RFX3: variants seen among roughly 807,000 people sequenced by gnomAD.
RFX3 encodes the protein transcription factor RFX3.
Under a neutral mutation model 98.6 loss-of-function variants are expected in RFX3, and 14 were observed. The ratio of observed to expected loss-of-function variants is 0.14; its 90% CI spans 0.09 to 0.22. The LOEUF is 0.22. Ranked by LOEUF, RFX3 falls within the 10% of genes least tolerant of loss-of-function variation. The pLI is 1.00. For synonymous variants in RFX3, 383 were observed against 328.4 expected, an observed-to-expected ratio of 1.17 and a Z score of -1.80; for missense variants, 639 against 926.9, an observed-to-expected ratio of 0.69 and a Z score of 4.03.
intron 4 of RFX3, among the ~76,000 whole-genome samples, chr9:3,316,155 T>C (rs2920364): frequency 0.18 from 27,382 of 152,024 alleles, 2,882 homozygotes; most frequent in African/African-American, 0.3. Flanking sequence ...AATCCAGCAG[T>C]ACATCTAAAA....
At chr9:3,268,278 T>C (rs1403683899) in intron 11 of RFX3, among the ~76,000 whole-genome samples, 1 of 151,828 alleles carries the variant, frequency 6.6e-6, no homozygotes, top group Admixed American at 6.6e-5. Flanking sequence ...TAGAGTGAAG[T>C]GCTAGTAGCC....
intron 13 of RFX3, among the ~76,000 whole-genome samples, chr9:3,262,390 T>A (rs908716728): frequency 6.6e-6 from 1 of 152,248 alleles, no homozygotes; most frequent in Non-Finnish European, 1.5e-5. Context: ...TAGTTGAACT[T>A]ATTGCATATA....
At chr9:3,449,828 A>G (rs906903724) in intron 1 of RFX3, among the ~76,000 whole-genome samples, 2 of 151,434 alleles carry the variant, frequency 1.3e-5, no homozygotes, top group South Asian at 4.2e-4. Flanking sequence ...TTATCACACC[A>G]CTGCACTCCA....
At chr9:3,345,231 A>C (rs1010896448) in intron 3 of RFX3, among the ~76,000 whole-genome samples, 1 of 152,090 alleles carries the variant, frequency 6.6e-6, no homozygotes, top group African/African-American at 2.4e-5. Flanking sequence ...GTTTAGGGAG[A>C]CTGGGAGGAA....
chr9:3,331,326 T>C (rs1410607760), intron 3 of RFX3, among the ~76,000 whole-genome samples: 2 of 152,230 alleles, frequency 1.3e-5, no homozygotes, highest in Non-Finnish European at 1.5e-5. Flanking sequence ...TTTTCTGTTC[T>C]GATTAAGCTT....
chr9:3,468,517 C>T (rs547511155), intron 1 of RFX3, among the ~76,000 whole-genome samples: 1 of 152,270 alleles, frequency 6.6e-6, no homozygotes, highest in East Asian at 1.9e-4. Context: ...TCAATCACTG[C>T]TCCCTTTTGC....
chr9:3,380,143 T>A (rs900187941), intron 2 of RFX3, among the ~76,000 whole-genome samples: 4 of 152,088 alleles, frequency 2.6e-5, no homozygotes, highest in African/African-American at 9.7e-5. Flanking sequence ...GTCAGGCTGG[T>A]CTTGAGCTCC....
At chr9:3,252,905 T>C (rs1483181265) in intron 14 of RFX3, among the ~76,000 whole-genome samples, 26 of 152,256 alleles carry the variant, frequency 1.7e-4, no homozygotes, top group Non-Finnish European at 1.5e-5. Context: ...ATCAGTTGAA[T>C]TGTATCATTA....
chr9:3,495,245 T>C (rs894774201), intron 1 of RFX3, among the ~76,000 whole-genome samples: 9 of 151,820 alleles, frequency 5.9e-5, no homozygotes, highest in Admixed American at 1.3e-4. Flanking sequence ...AGCAAGAAAA[T>C]TTATGAAGCT....
At chr9:3,262,845 G>T in intron 13 of RFX3, 90 bp downstream of exon 13, 1 of 1,349,106 alleles carries the variant, frequency 7.4e-7, no homozygotes, top group Non-Finnish European at 1.0e-6. Context: ...ATATAGATGA[G>T]ACTTTGAAAA....
At chr9:3,232,397 C>T (rs901601117) in intron 15 of RFX3, among the ~76,000 whole-genome samples, 2 of 152,300 alleles carry the variant, frequency 1.3e-5, no homozygotes, top group East Asian at 1.9e-4. Flanking sequence ...CTGTCACTCT[C>T]AGTCACCGCA....
chr9:3,258,593 TC>T (rs1247706613), intron 13 of RFX3, among the ~76,000 whole-genome samples: 2 of 152,018 alleles, frequency 1.3e-5, no homozygotes, highest in Non-Finnish European at 2.9e-5. Context: ...TAATCATAAA[TC>T]CATTCAGATG....
At chr9:3,269,675 C>A (rs1049528635) in intron 11 of RFX3, among the ~76,000 whole-genome samples, 1 of 152,118 alleles carries the variant, frequency 6.6e-6, no homozygotes, top group East Asian at 1.9e-4. Context: ...GTAATCTAAC[C>A]TATCTATGTA....
rs185574332 is a variant in RFX3, at chr9:3,443,309, T to G, written c.-8-47713A>C. Among the ~76,000 whole-genome samples, 210 of 152,294 alleles carry G rather than the reference T, an allele frequency of 1.4e-3. 4 individuals carry two copies. The highest frequency in any genetic ancestry group is 0.014 in the Admixed American group (207 of 15,282). On this transcript the variant is annotated intron_variant, in intron 1 of 16. Transcript: ENST00000617270. ...ACAGATCATCCCATCACCTAGATATTAAGCCCAGCATCCATTAGCTATTCT... is the reference window on the plus strand; with the variant it reads ...ACAGATCATCCCATCACCTAGATATGAAGCCCAGCATCCATTAGCTATTCT...
intron 2 of RFX3, among the ~76,000 whole-genome samples, chr9:3,366,958 T>A (rs1227128997): frequency 6.6e-6 from 1 of 152,096 alleles, no homozygotes; most frequent in African/African-American, 2.4e-5. Flanking sequence ...ATGTGAGTTA[T>A]ATGCTTCACT....
chr9:3,307,721 G>A (rs753372114), intron 4 of RFX3, among the ~76,000 whole-genome samples: 19 of 152,204 alleles, frequency 1.2e-4, no homozygotes, highest in African/African-American at 3.9e-4. Context: ...TTTCTCTGCC[G>A]CATAGTCTTT....
intron 5 of RFX3, among the ~76,000 whole-genome samples, chr9:3,301,094 C>T (rs1202826403): frequency 4.0e-5 from 6 of 151,856 alleles, no homozygotes; most frequent in African/African-American, 1.4e-4. Flanking sequence ...GTAAACAAAT[C>T]ATTTTCAAAC....
At position 3,525,843 on chromosome 9, in the gene RFX3, G is replaced by T; in HGVS notation, c.-105C>A. 1.0e-6 allele frequency: 1 copy of T among 981,840 alleles called. No homozygotes were observed. Among genetic ancestry groups the T allele is most frequent in the Non-Finnish European group, 1.2e-6 (1 of 826,126 alleles). The allele number at this position is 981,840 out of a possible 1,614,324, so 60.8% of individuals were successfully genotyped here. ...GAGGAGGAGGAGGAGGAGAGGAGTA[G>T]TTGTTGTTGATGGGTAACAGTCGCC... On this transcript the variant is annotated 5_prime_UTR_variant, in exon 1 of 17. Transcript: ENST00000617270.
chr9:3,347,019 T>G (rs910757273), intron 2 of RFX3, among the ~76,000 whole-genome samples: 33 of 152,164 alleles, frequency 2.2e-4, no homozygotes, highest in African/African-American at 7.7e-4. Flanking sequence ...CTGTTCAGGT[T>G]TAAAATTATG....
Sources: gnomAD v4.1 joint callset for allele counts (sites outside exome capture counted in the v4.1 genomes callset) on GRCh38, gnomAD v4.1.1 for gene constraint, MANE v1.5 for transcripts, NCBI Gene and HGNC (gene_info 2026-07-23, HGNC 2026-07-21) for gene names.